Variants in RETREG3 observed in about 807,000 individuals in gnomAD.
RETREG3 encodes the protein reticulophagy regulator 3.
A neutral mutation model predicts 50.2 loss-of-function variants in RETREG3; 23 were observed. The observed-to-expected ratio is 0.46, with a 90% CI of 0.33 to 0.65. The LOEUF is 0.65. RETREG3 is among the 30% of genes least tolerant of loss of function. RETREG3 has a pLI of 0.02. For synonymous variants in RETREG3, 240 were observed against 234.4 expected (o/e 1.02, Z -0.22); for missense variants, 546 against 598.0 (o/e 0.91, Z 0.91).
At position 42,581,782 on chromosome 17, in the gene RETREG3, A is replaced by G; in HGVS notation, c.*31T>C. ...GTGGGATGGGGAGAAAAAAACCTAA[A>G]CCACAGTGACTCCCAAAAGGAGTCT... is the stretch of plus-strand genomic sequence containing the variant. On this transcript the variant is annotated 3_prime_UTR_variant, in exon 9 of 9. Coordinates refer to ENST00000309428, the MANE Select transcript of RETREG3 (RefSeq NM_178126.4). 3 of 1,525,538 alleles carry G rather than the reference A, an allele frequency of 2.0e-6. No individual in the cohort carries two copies. Among genetic ancestry groups the G allele is most frequent in the African/African-American group, 1.4e-5 (1 of 72,068 alleles). 94.5% of individuals were successfully genotyped at this position (1,525,538 alleles called of 1,614,324 possible).
At chr17:42,590,612 C>G (rs896749845) in intron 2 of RETREG3, among the ~76,000 whole-genome samples, 27 of 152,050 alleles carry the variant, frequency 1.8e-4, no homozygotes, top group African/African-American at 6.5e-4. Context: ...GTTGAGGCCA[C>G]AGTGAGCCAT....
At chr17:42,586,694 G>T in intron 4 of RETREG3, 71 bp downstream of exon 4, 1 of 1,557,308 alleles carries the variant, frequency 6.4e-7, no homozygotes, top group Non-Finnish European at 8.7e-7. Flanking sequence ...ACATAGTAAA[G>T]GAGCTGTTTC....
chr17:42,588,436 G>T (rs2093125657), intron 2 of RETREG3, among the ~76,000 whole-genome samples: 1 of 151,676 alleles, frequency 6.6e-6, no homozygotes, highest in South Asian at 2.1e-4. Context: ...TGGAGACAGG[G>T]TCTTGCTCTG....
At position 42,581,655 on chromosome 17, in the gene RETREG3, T is replaced by G; in HGVS notation, c.*158A>C. The G allele has an allele frequency of 1.6e-6, 1 of 608,468 alleles. No homozygotes were observed. The highest frequency in any genetic ancestry group is 2.6e-5 in the South Asian group (1 of 38,792). 37.7% of individuals were successfully genotyped at this position (608,468 alleles called of 1,614,324 possible). A position where few individuals can be genotyped will look rare whatever the true frequency, so the allele number is the denominator to read the frequency against. ...ATCCAGCTGGTGGGAGGGGAGTGAG[T>G]GTCCTCTCTAAGGAGGCCTCTGAGC... On this transcript the variant is annotated 3_prime_UTR_variant, in exon 9 of 9. Transcript: ENST00000309428.
intron 1 of RETREG3, among the ~76,000 whole-genome samples, chr17:42,600,982 A>C (rs2093157265): frequency 6.6e-6 from 1 of 152,138 alleles, no homozygotes. Flanking sequence ...CTCTCAAAAA[A>C]AACAATGAAT....
chr17:42,604,806 G>C (rs1414313770), intron 1 of RETREG3, among the ~76,000 whole-genome samples: 2 of 151,494 alleles, frequency 1.3e-5, no homozygotes, highest in African/African-American at 4.9e-5. Context: ...CACATTTCCA[G>C]TGTTCATTTA....
chr17:42,587,718 G>C, intron 3 of RETREG3, 116 bp downstream of exon 3: 1 of 1,254,238 alleles, frequency 8.0e-7, no homozygotes, highest in East Asian at 2.4e-5. Context: ...ATTTGGAACA[G>C]CCTAGGTTCT....
In RETREG3 at chr17:42,583,582, T is replaced by C; in HGVS notation, c.728-2A>G. The C allele has an allele frequency of 1.2e-6, 2 of 1,612,952 alleles. No homozygotes were observed. The highest frequency in any genetic ancestry group is 1.7e-6 in the Non-Finnish European group (2 of 1,179,256). On this transcript the variant is annotated splice_acceptor_variant, in intron 6 of 8. Coordinates refer to ENST00000309428, the MANE Select transcript of RETREG3 (RefSeq NM_178126.4). LOFTEE classifies it high-confidence loss of function. The stretch of plus-strand genomic sequence containing the variant: ...CTGGGTGGAGAGCTCTGCGGCGTAC[T>C]GTGGGAAGAGCACAAAGTCTTGCTT...
At chr17:42,592,293 T>C (rs776836028) in intron 1 of RETREG3, 131 bp from the exon 2 acceptor site, 1 of 651,114 alleles carries the variant, frequency 1.5e-6, no homozygotes, top group South Asian at 2.0e-5. Flanking sequence ...GACACTTAAC[T>C]AGTTATACAC....
intron 1 of RETREG3, among the ~76,000 whole-genome samples, chr17:42,593,555 CG>C: frequency 6.7e-6 from 1 of 149,298 alleles, no homozygotes; most frequent in South Asian, 2.1e-4. Context: ...GAGGCTGAGA[CG>C]AGAATGGCGT....
In RETREG3 at chr17:42,609,113, C is replaced by A; in HGVS notation, c.212G>T (p.Trp71Leu). Residue 71 changes from tryptophan (W) to leucine (L), a missense_variant, in exon 1 of 9, where the codon TGG (tryptophan) becomes TTG (leucine). Trp to Leu is a moderately conservative substitution (Grantham distance 61). Transcript: ENST00000309428. Reference protein sequence around the residue: ...VWERPARSALWCLGLNAAFWF... With the variant: ...VWERPARSALLCLGLNAAFWF... ...GAAAGCCGCGTTCAGCCCCAGGCACCACAGAGCGCTCCTAGCTGGCCGCTC... is the reference window on the plus strand; with the variant it reads ...GAAAGCCGCGTTCAGCCCCAGGCACAACAGAGCGCTCCTAGCTGGCCGCTC... 10 of 1,608,250 alleles carry A rather than the reference C, an allele frequency of 6.2e-6. No homozygotes were observed. The highest frequency in any genetic ancestry group is 8.5e-6 in the Non-Finnish European group (10 of 1,179,866).
chr17:42,581,978 C>A lies in RETREG3; in HGVS notation c.1236G>T (p.Gly412=), dbSNP rs772910034. Residue 412 remains glycine (G), a synonymous_variant, in exon 9 of 9, where the codon GGG becomes GGT. Transcript: ENST00000309428. The stretch of plus-strand genomic sequence containing the variant: ...CTCCAGAAGGGCCTGGTTGGGAGGC[C>A]CCTGACAAGGCCAGCTGAATCATAC... ...SQGMIQLALS[G]ASQPGPSGAP... is the part of the protein sequence containing the mutation. The A allele has an allele frequency of 2.0e-5, 33 of 1,613,926 alleles. No individual in the cohort carries two copies. Among genetic ancestry groups the A allele is most frequent in the Non-Finnish European group, 2.5e-5 (30 of 1,180,014 alleles).
At chr17:42,592,416 C>T (rs1476660381) in intron 1 of RETREG3, among the ~76,000 whole-genome samples, 5 of 152,196 alleles carry the variant, frequency 3.3e-5, no homozygotes, top group Non-Finnish European at 7.3e-5. Flanking sequence ...CTTAAAGCTC[C>T]TTCTGCTTTC....
rs977783587 is a variant in RETREG3 at position 42,581,165 on chromosome 17, C to A, written c.*648G>T. On this transcript the variant is annotated 3_prime_UTR_variant, in exon 9 of 9. Coordinates refer to ENST00000309428, the MANE Select transcript of RETREG3 (RefSeq NM_178126.4). The stretch of plus-strand genomic sequence containing the variant: ...CTCACTTGAGGTCAGGAGTTTGAGA[C>A]CAGCCTGGCCAACATGGTGAAACCC... 1.3e-5 allele frequency: 2 copies of A among 152,194 alleles called. No individual in the cohort carries two copies. Among genetic ancestry groups the A allele is most frequent in the African/African-American group, 4.8e-5 (2 of 41,406 alleles). 9.4% of individuals were successfully genotyped at this position (152,194 alleles called of 1,614,324 possible).
chr17:42,585,432 G>C (rs753258449), intron 5 of RETREG3, among the ~76,000 whole-genome samples, 170 bp from the exon 6 acceptor site: 2 of 152,210 alleles, frequency 1.3e-5, no homozygotes, highest in Non-Finnish European at 2.9e-5. Flanking sequence ...AGGAGTCTTT[G>C]AGGGCAGGGA....
At position 42,609,147 on chromosome 17, in the gene RETREG3, G is replaced by T; in HGVS notation, c.178C>A (p.Leu60Met). The T allele has an allele frequency of 6.2e-7, 1 of 1,610,122 alleles. No homozygotes were observed. Residue 60 changes from leucine to methionine, a missense_variant, in exon 1 of 9, where the codon CTG becomes ATG. By Grantham distance (15) the Leu-to-Met change is conservative. Coordinates refer to ENST00000309428, the MANE Select transcript of RETREG3 (RefSeq NM_178126.4). Reference sequence around the variant, plus strand: ...CTCCTAGCTGGCCGCTCCCACACCAGGGCTGCCTGCACCCGACTCAGCAGA... The same window carrying T: ...CTCCTAGCTGGCCGCTCCCACACCATGGCTGCCTGCACCCGACTCAGCAGA... Reference protein sequence around the residue: ...EPLLSRVQAALVWERPARSAL... With the variant: ...EPLLSRVQAAMVWERPARSAL...
intron 3 of RETREG3, 91 bp from the exon 4 acceptor site, chr17:42,586,982 T>C: frequency 6.5e-7 from 1 of 1,541,608 alleles, no homozygotes. Context: ...CGGTTTTAAA[T>C]GGGGTTTGGG....
chr17:42,592,311 A>G, intron 1 of RETREG3, 149 bp from the exon 2 acceptor site: 1 of 601,624 alleles, frequency 1.7e-6, no homozygotes, highest in Non-Finnish European at 2.9e-6. Flanking sequence ...CACCTAGGGT[A>G]AATCATTTAA....
chr17:42,583,225 C>T (rs1158064407), intron 7 of RETREG3, among the ~76,000 whole-genome samples: 1 of 152,164 alleles, frequency 6.6e-6, no homozygotes, highest in East Asian at 1.9e-4. Context: ...ATCATACTAG[C>T]TCCAGAAGTT....
Sources: allele counts gnomAD v4.1 joint callset (sites outside exome capture counted in the v4.1 genomes callset), GRCh38; gene constraint gnomAD v4.1.1; transcripts MANE v1.5; gene names NCBI Gene and HGNC (gene_info 2026-07-23, HGNC 2026-07-21).